Variants in ATP6V1G3 observed in about 807,000 individuals in gnomAD.
The protein encoded by ATP6V1G3 is ATPase H+ transporting V1 subunit G3.
ATP6V1G3 carries 9 observed loss-of-function variants against 9.3 expected under a neutral mutation model. That is an observed-to-expected ratio of 0.97 (90% CI 0.59 to 1.69). ATP6V1G3 has a LOEUF of 1.69. ATP6V1G3 is among the 40% of genes most tolerant of loss of function. The pLI, the probability that ATP6V1G3 is intolerant of heterozygous loss-of-function variation, is 0.00. For synonymous variants in ATP6V1G3, 43 were observed against 43.8 expected, an observed-to-expected ratio of 0.98 and a Z score of 0.07; for missense variants, 133 against 139.0, an observed-to-expected ratio of 0.96 and a Z score of 0.22.
At position 198,523,402 on chromosome 1, in the gene ATP6V1G3, C is replaced by T; in HGVS notation, c.346G>A (p.Ala116Thr). The change falls in exon 3 of 3, where the codon GCC becomes ACC. Residue 116 changes from alanine (A) to threonine (T), a missense_variant. Physicochemically the swap from Ala to Thr is moderately conservative, Grantham distance 58 (BLOSUM62 0). Transcript: ENST00000367382. ...ACTGTGATGTACATTTAGTTGGTGG[C>T]TCTGTAGTTCACATGGATTTCTGGT... ...MKPEIHVNYR[A>T]TN The T allele has an allele frequency of 6.2e-7, 1 of 1,612,392 alleles. No individual in the cohort carries two copies. The highest frequency in any genetic ancestry group is 1.1e-5 in the South Asian group (1 of 90,816).
At chr1:198,524,333 C>G (rs186018806) in intron 2 of ATP6V1G3, among the ~76,000 whole-genome samples, 2 of 152,006 alleles carry the variant, frequency 1.3e-5, no homozygotes, top group African/African-American at 4.8e-5. Context: ...CTTTGTTGGC[C>G]AGGCTGGTCT....
intron 1 of ATP6V1G3, chr1:198,536,745 A>G: frequency 1.3e-6 from 2 of 1,578,180 alleles, no homozygotes; most frequent in South Asian, 1.1e-5. Context: ...GGGTAAAAAC[A>G]AATGGAATGA....
At chr1:198,527,304 T>A (rs569713809) in intron 2 of ATP6V1G3, among the ~76,000 whole-genome samples, 7 of 152,250 alleles carry the variant, frequency 4.6e-5, no homozygotes, top group African/African-American at 1.4e-4. Context: ...TATGTGAGCT[T>A]TTGATCAAAT....
chr1:198,524,048 C>T (rs929571741), intron 2 of ATP6V1G3, among the ~76,000 whole-genome samples: 3 of 151,532 alleles, frequency 2.0e-5, no homozygotes, highest in South Asian at 2.1e-4. Flanking sequence ...TTTTAAAATA[C>T]ATTATCTGAA....
intron 2 of ATP6V1G3, among the ~76,000 whole-genome samples, chr1:198,525,558 T>G (rs2257593): frequency 0.64 from 97,063 of 151,978 alleles, 32,870 homozygotes; most frequent in Non-Finnish European, 0.76. Flanking sequence ...CTCATATATA[T>G]GTAATTATAA....
At chr1:198,528,626 C>T (rs180766626) in intron 2 of ATP6V1G3, among the ~76,000 whole-genome samples, 2 of 152,060 alleles carry the variant, frequency 1.3e-5, no homozygotes, top group East Asian at 3.9e-4. Flanking sequence ...CAGGAAATAC[C>T]AGAAGGCTTT....
intron 2 of ATP6V1G3, 69 bp from the exon 3 acceptor site, chr1:198,523,633 C>A: frequency 6.9e-7 from 1 of 1,443,754 alleles, no homozygotes. Flanking sequence ...TTGTCCTAGC[C>A]TGTTTACTGA....
intron 2 of ATP6V1G3, among the ~76,000 whole-genome samples, chr1:198,526,334 A>G (rs1051265875): frequency 1.3e-5 from 2 of 152,182 alleles, no homozygotes; most frequent in African/African-American, 4.8e-5. Context: ...ACTGTCTGGC[A>G]CTTAGTAGAT....
intron 1 of ATP6V1G3, among the ~76,000 whole-genome samples, chr1:198,536,287 C>T (rs1332756934): frequency 6.6e-6 from 1 of 152,094 alleles, no homozygotes; most frequent in Non-Finnish European, 1.5e-5. Context: ...AAGGTCATGA[C>T]TAAAAGTAAA....
chr1:198,527,108 G>A (rs1659684857), intron 2 of ATP6V1G3, among the ~76,000 whole-genome samples: 1 of 152,230 alleles, frequency 6.6e-6, no homozygotes, highest in South Asian at 2.1e-4. Flanking sequence ...AACACCCACG[G>A]CACACAGGAG....
intron 1 of ATP6V1G3, among the ~76,000 whole-genome samples, chr1:198,535,999 A>AT (rs79465930): frequency 0.26 from 38,875 of 151,142 alleles, 5,879 homozygotes; most frequent in East Asian, 0.47. Flanking sequence ...GAAAATTTAC[A>AT]TTTTTTTTTG....
chr1:198,536,123 A>T (rs1571720119), intron 1 of ATP6V1G3, among the ~76,000 whole-genome samples: 1 of 152,180 alleles, frequency 6.6e-6, no homozygotes, highest in Non-Finnish European at 1.5e-5. Context: ...CTAGGAGAGT[A>T]TGCCATGTAT....
At chr1:198,536,782 T>C in intron 1 of ATP6V1G3, 1 of 1,312,656 alleles carries the variant, frequency 7.6e-7, no homozygotes, top group Non-Finnish European at 1.1e-6. Context: ...ATCATTCTTC[T>C]ATCATTATTA....
chr1:198,538,150 C>T (rs1326552641), intron 1 of ATP6V1G3, among the ~76,000 whole-genome samples: 1 of 152,024 alleles, frequency 6.6e-6, no homozygotes, highest in African/African-American at 2.4e-5. Context: ...GGTTGAATAT[C>T]CCCTTGAATA....
intron 1 of ATP6V1G3, among the ~76,000 whole-genome samples, chr1:198,538,536 A>G (rs941411641): frequency 5.3e-5 from 8 of 152,164 alleles, no homozygotes; most frequent in Non-Finnish European, 1.0e-4. Context: ...ATAATGAGAA[A>G]GCAAAGGCAA....
chr1:198,531,651 C>A (rs555311929), intron 1 of ATP6V1G3, among the ~76,000 whole-genome samples: 1 of 152,180 alleles, frequency 6.6e-6, no homozygotes, highest in African/African-American at 2.4e-5. Flanking sequence ...TACAGAGAAA[C>A]CTAATTCTGT....
intron 2 of ATP6V1G3, among the ~76,000 whole-genome samples, chr1:198,523,844 G>A (rs907043324): frequency 6.6e-6 from 1 of 152,070 alleles, no homozygotes; most frequent in Non-Finnish European, 1.5e-5. Context: ...ATGCCCAGAA[G>A]TTCTTTTCCA....
chr1:198,534,297 A>G (rs547476816), intron 1 of ATP6V1G3, among the ~76,000 whole-genome samples: 1 of 152,322 alleles, frequency 6.6e-6, no homozygotes, highest in South Asian at 2.1e-4. Flanking sequence ...CAGAGCAGAC[A>G]CACAGGGAGG....
At chr1:198,523,598 A>C in intron 2 of ATP6V1G3, 34 bp from the exon 3 acceptor site, 1 of 1,585,010 alleles carries the variant, frequency 6.3e-7, no homozygotes. Flanking sequence ...TTCACATCAT[A>C]ATACAATTGT....
Sources: gnomAD v4.1 joint callset for allele counts (sites outside exome capture counted in the v4.1 genomes callset) on GRCh38, gnomAD v4.1.1 for gene constraint, MANE v1.5 for transcripts, NCBI Gene and HGNC (gene_info 2026-07-23, HGNC 2026-07-21) for gene names.